The following MROH1 variants were observed in gnomAD, a reference collection of about 807,000 sequenced individuals.
The protein encoded by MROH1 is maestro heat-like repeat-containing protein family member 1.
Under a neutral mutation model 116.5 loss-of-function variants are expected in MROH1, and 117 were observed. That is an observed-to-expected ratio of 1.00 (90% CI 0.86 to 1.17). The LOEUF is 1.17. Among genes scored for constraint, MROH1 ranks in the 50% most tolerant of loss-of-function variants. The pLI is 0.00. For synonymous variants in MROH1, 921 were observed against 583.9 expected, an observed-to-expected ratio of 1.58 and a Z score of -8.32; for missense variants, 1,873 against 1,338.5, an observed-to-expected ratio of 1.40 and a Z score of -6.23.
intron 35 of MROH1, among the ~76,000 whole-genome samples, chr8:144,255,999 G>T (rs1288689746): frequency 6.6e-6 from 1 of 152,252 alleles, no homozygotes; most frequent in Non-Finnish European, 1.5e-5. Context: ...GCTCAGGCAG[G>T]ATCCGGGTGG....
chr8:144,192,356 A>G lies in MROH1; in HGVS notation c.903A>G (p.Thr301=). The part of the protein sequence containing the change: ...LEAAVSVGSR[T]LETQLDALLA... ...CAGCTGTGAGTGTGGGCAGCCGCAC[A>G]CTGGAGACCCAGCTGGATGCCCTCT... Residue 301 remains threonine, a synonymous_variant, in exon 10 of 44, where the codon ACA becomes ACG. Coordinates refer to ENST00000326134, the MANE Select transcript of MROH1 (RefSeq NM_032450.3). 2 of 1,600,586 alleles carry G rather than the reference A, an allele frequency of 1.2e-6. No individual in the cohort carries two copies. The highest frequency in any genetic ancestry group is 1.1e-5 in the South Asian group (1 of 88,852).
intron 35 of MROH1, among the ~76,000 whole-genome samples, chr8:144,257,436 C>T (rs960479090): frequency 2.6e-5 from 4 of 152,270 alleles, no homozygotes; most frequent in Middle Eastern, 6.8e-3. Flanking sequence ...CCGAGACCCC[C>T]GTGGCCCTCA....
chr8:144,175,656 G>C (rs1823697878), intron 4 of MROH1: 1 of 603,082 alleles, frequency 1.7e-6, no homozygotes, highest in African/African-American at 2.0e-5. Flanking sequence ...GGGTGCCAGG[G>C]CACACGCCTG....
intron 33 of MROH1, chr8:144,250,607 AC>A: frequency 1.7e-6 from 1 of 593,204 alleles, no homozygotes; most frequent in Non-Finnish European, 3.0e-6. Context: ...CCTGCACAGC[AC>A]CCCCACAGGG....
intron 33 of MROH1, 161 bp downstream of exon 33, chr8:144,250,527 C>T (rs1842677947): frequency 4.3e-6 from 3 of 690,888 alleles, no homozygotes; most frequent in Non-Finnish European, 7.9e-6. Flanking sequence ...AGCCAGGCCC[C>T]AGTCTCTCAG....
chr8:144,182,449 A>G lies in MROH1; in HGVS notation c.562+1926A>G, dbSNP rs1825945070. 6.6e-6 allele frequency among the ~76,000 whole-genome samples: 1 copy of G among 152,244 alleles called. No individual in the cohort carries two copies. The highest frequency in any genetic ancestry group is 1.5e-5 in the Non-Finnish European group (1 of 68,050). On this transcript the variant is annotated intron_variant, in intron 7 of 43. Transcript: ENST00000326134. The surrounding 1 kb of genome is among the most constrained non-coding windows in gnomAD (Gnocchi z 4.1). ...GATGGTTCAGGGAGAAGAAAATAAC[A>G]GAGAAAGAAAATCTCTGATTAATAT...
intron 33 of MROH1, 191 bp from the exon 34 acceptor site, chr8:144,254,622 T>A (rs1843380040): frequency 3.4e-6 from 2 of 589,490 alleles, no homozygotes; most frequent in African/African-American, 1.9e-5. Context: ...CAGCTCTGTT[T>A]ACAGATCCCT....
intron 20 of MROH1, 74 bp from the exon 21 acceptor site, chr8:144,240,918 G>C (rs1840869810): frequency 8.4e-6 from 6 of 713,882 alleles, no homozygotes; most frequent in Admixed American, 2.0e-5. Context: ...CACCCCAGGG[G>C]CAGCCCCATG....
intron 12 of MROH1, among the ~76,000 whole-genome samples, chr8:144,217,042 G>A (rs1446511242): frequency 6.6e-6 from 1 of 152,166 alleles, no homozygotes; most frequent in East Asian, 1.9e-4. Context: ...TTATTGAGCT[G>A]GGTGTGGTGG....
intron 12 of MROH1, among the ~76,000 whole-genome samples, chr8:144,210,776 G>A (rs1206725552): frequency 6.6e-6 from 1 of 152,034 alleles, no homozygotes; most frequent in African/African-American, 2.4e-5. Flanking sequence ...ATAGATTTAA[G>A]TCTTTTTTTG....
intron 12 of MROH1, among the ~76,000 whole-genome samples, chr8:144,218,891 G>A (rs1201746420): frequency 1.0e-5 from 1 of 99,190 alleles, no homozygotes; most frequent in Admixed American, 1.1e-4. Context: ...CTAGAGTGTG[G>A]TGGTGTGATC....
chr8:144,248,561 C>G (rs997491259), intron 31 of MROH1, among the ~76,000 whole-genome samples: 1 of 152,222 alleles, frequency 6.6e-6, no homozygotes, highest in African/African-American at 2.4e-5. Context: ...GACTGCACCA[C>G]AGGGCTGCTC....
At chr8:144,157,232 C>T (rs1818378711) in intron 1 of MROH1, among the ~76,000 whole-genome samples, 1 of 152,040 alleles carries the variant, frequency 6.6e-6, no homozygotes, top group Admixed American at 6.6e-5. Flanking sequence ...CTGGCTTGAG[C>T]CACCATGTAC....
At chr8:144,190,515 G>A (rs545213079) in intron 7 of MROH1, among the ~76,000 whole-genome samples, 1 of 152,274 alleles carries the variant, frequency 6.6e-6, no homozygotes, top group Non-Finnish European at 1.5e-5. Flanking sequence ...GCAAGACTGT[G>A]TCACAACACA....
rs980518302 is a variant in MROH1, at chr8:144,154,741, T to A, written c.-176-6229T>A. ...GGTGTACAATGGCATGATCTCAGCT[T>A]ACTGCAACCTCCGCCTCCTGGGTTC... On this transcript the variant is annotated intron_variant, in intron 1 of 43. Transcript: ENST00000326134. Among the ~76,000 whole-genome samples the A allele has an allele frequency of 1.8e-4, 27 of 151,652 alleles. 3 individuals carry two copies. The highest frequency in any genetic ancestry group is 1.6e-3 in the Admixed American group (25 of 15,192).
chr8:144,223,350 C>T (rs763264228), intron 14 of MROH1, 120 bp downstream of exon 14: 237 of 1,292,992 alleles, frequency 1.8e-4, no homozygotes, highest in Non-Finnish European at 2.1e-4. Flanking sequence ...AGTCTGCGTG[C>T]GGAGGTGCCC....
chr8:144,261,599 A>AGGCATG (rs1209751266), intron 43 of MROH1, 56 bp from the exon 44 acceptor site: 6 of 701,052 alleles, frequency 8.6e-6, no homozygotes, highest in Non-Finnish European at 2.6e-6. Flanking sequence ...GCCCACGCGC[A>AGGCATG]GGCATGGGCA....
chr8:144,239,303 T>C lies in MROH1; in HGVS notation c.1592-20T>C. 1 of 779,520 alleles carries C rather than the reference T, an allele frequency of 1.3e-6. No individual in the cohort carries two copies. Among genetic ancestry groups the C allele is most frequent in the Non-Finnish European group, 2.4e-6 (1 of 417,558 alleles). The allele number at this position is 779,520 out of a possible 1,614,324, so 48.3% of individuals were successfully genotyped here. A position where few individuals can be genotyped will look rare whatever the true frequency, so the allele number is the denominator to read the frequency against. ...GCTACAGGCAGCCCCCCACTGACTATTTCCACCTCTCATCTCCAGCGAGCC... is the reference window on the plus strand; with the variant it reads ...GCTACAGGCAGCCCCCCACTGACTACTTCCACCTCTCATCTCCAGCGAGCC... On this transcript the variant is annotated intron_variant, in intron 16 of 43. Transcript: ENST00000326134.
At position 144,173,614 on chromosome 8, in the gene MROH1, G is replaced by A. The variant is rs1587876092; in HGVS notation, c.168+5174G>A. On this transcript the variant is annotated intron_variant, in intron 4 of 43. Transcript: ENST00000326134. ...CTCATTTTTTTGTATTTTTAGTACA[G>A]GTGGGGTTTCACCATGTTGGTCAGG... is the stretch of plus-strand genomic sequence containing the variant. Among the ~76,000 whole-genome samples, 6 of 152,052 alleles carry A rather than the reference G, an allele frequency of 3.9e-5. No individual in the cohort carries two copies. The South Asian group carries it at 1.0e-3, about 26-fold the overall frequency.
Sources: allele counts gnomAD v4.1 joint callset (sites outside exome capture counted in the v4.1 genomes callset), GRCh38; gene constraint gnomAD v4.1.1; non-coding constraint Gnocchi (gnomAD v3.1); transcripts MANE v1.5; gene names NCBI Gene and HGNC (gene_info 2026-07-23, HGNC 2026-07-21).